The following SLC8A1 variants were observed in gnomAD, a reference collection of about 807,000 sequenced individuals.
SLC8A1 encodes the protein solute carrier family 8 member A1.
Under a neutral mutation model 68.3 loss-of-function variants are expected in SLC8A1, and 18 were observed. The ratio of observed to expected loss-of-function variants is 0.26; its 90% CI spans 0.18 to 0.39. The LOEUF (loss-of-function observed/expected upper bound fraction) is 0.39. SLC8A1 is among the 10% of genes least tolerant of loss of function. The pLI is 1.00. For synonymous variants in SLC8A1, 475 were observed against 415.5 expected (o/e 1.14, Z -1.74); for missense variants, 985 against 1,156.7 (o/e 0.85, Z 2.15).
rs1054120614 is a variant in SLC8A1 at position 40,255,172 on chromosome 2, C to T, written c.1809-77317G>A. On this transcript the variant is annotated intron_variant, in intron 2 of 7. Coordinates refer to ENST00000406785, the Ensembl canonical transcript of SLC8A1. ...CAAATGTGAGAGCATGTTAACATGA[C>T]AAACAACAAGGAATTTGAAATAAAC... 3 of 152,068 alleles carry T rather than the reference C, an allele frequency of 2.0e-5. No individual in the cohort carries two copies. In the East Asian group the frequency reaches 5.8e-4, roughly 29 times the overall value. The allele number at this position is 152,068 out of a possible 1,614,324, so 9.4% of individuals were successfully genotyped here.
intron 2 of SLC8A1, among the ~76,000 whole-genome samples, chr2:40,246,196 C>CT (rs1162391490): frequency 6.6e-6 from 1 of 152,162 alleles, no homozygotes; most frequent in East Asian, 1.9e-4. Context: ...AGTTGCACAT[C>CT]TTGGATATGG....
chr2:40,251,570 A>T (rs2149030088), intron 2 of SLC8A1: 1 of 152,314 alleles, frequency 6.6e-6, no homozygotes, highest in East Asian at 1.9e-4. Flanking sequence ...GCATTGTCTC[A>T]TGATTATTTT....
chr2:40,303,899 C>T (rs968762753), intron 2 of SLC8A1, among the ~76,000 whole-genome samples: 3 of 152,170 alleles, frequency 2.0e-5, no homozygotes, highest in Non-Finnish European at 2.9e-5. Flanking sequence ...TTTCCTCTAA[C>T]CACCACAGTC....
At chr2:40,482,449 G>C (rs916974856) in intron 1 of SLC8A1, among the ~76,000 whole-genome samples, 8 of 152,112 alleles carry the variant, frequency 5.3e-5, no homozygotes, top group Non-Finnish European at 1.0e-4. Context: ...TGTACTGCTA[G>C]GGCTTCTCTG....
chr2:40,141,145 G>A (rs916345665), intron 6 of SLC8A1, among the ~76,000 whole-genome samples: 1 of 152,124 alleles, frequency 6.6e-6, no homozygotes, highest in Non-Finnish European at 1.5e-5. Context: ...TAGTGCAGCC[G>A]GCAGTAGGTG....
At chr2:40,196,226 C>T (rs1276310331) in intron 2 of SLC8A1, among the ~76,000 whole-genome samples, 3 of 151,804 alleles carry the variant, frequency 2.0e-5, no homozygotes, top group Non-Finnish European at 2.9e-5. Context: ...GGTGGTGGTA[C>T]GCTCAAAGAG....
chr2:40,379,726 G>C (rs1390147359), intron 2 of SLC8A1, among the ~76,000 whole-genome samples: 1 of 151,714 alleles, frequency 6.6e-6, no homozygotes, highest in African/African-American at 2.4e-5. Flanking sequence ...TGTCAGCACT[G>C]GTGCTCTAAG....
chr2:40,445,443 A>G (rs371114527), intron 1 of SLC8A1, among the ~76,000 whole-genome samples: 76 of 152,254 alleles, frequency 5.0e-4, no homozygotes, highest in African/African-American at 1.7e-3. Context: ...CTTTCTACAC[A>G]GGGAAAGAAA....
At chr2:40,097,461 A>G (rs1290529785) in exon 8 of SLC8A1, 1 of 151,894 alleles carries the variant, frequency 6.6e-6, no homozygotes, top group East Asian at 1.9e-4. Flanking sequence ...TGATATTAAC[A>G]TACCATCAAT....
intron 7 of SLC8A1, among the ~76,000 whole-genome samples, chr2:40,126,577 A>G (rs1022219986): frequency 7.2e-5 from 11 of 152,068 alleles, no homozygotes; most frequent in African/African-American, 2.2e-4. Context: ...AAAGAAAATA[A>G]CTTTTCAGTT....
At chr2:40,238,045 C>T (rs1353563255) in intron 2 of SLC8A1, among the ~76,000 whole-genome samples, 1 of 152,212 alleles carries the variant, frequency 6.6e-6, no homozygotes, top group Non-Finnish European at 1.5e-5. Flanking sequence ...GCAAAAGTTA[C>T]TGCTGTCTTT....
intron 1 of SLC8A1, chr2:40,512,236 T>C (rs1226775605): frequency 6.6e-6 from 1 of 152,302 alleles, no homozygotes; most frequent in Non-Finnish European, 1.5e-5. Flanking sequence ...TTTGTTTGTT[T>C]TTCTTTTCAA....
intron 2 of SLC8A1, among the ~76,000 whole-genome samples, chr2:40,371,337 A>C (rs1302475090): frequency 6.6e-6 from 1 of 152,090 alleles, no homozygotes; most frequent in Non-Finnish European, 1.5e-5. Context: ...AATAGGGTGG[A>C]CTTTAGGTAA....
chr2:40,374,830 C>T (rs923380741), intron 2 of SLC8A1, among the ~76,000 whole-genome samples: 6 of 152,008 alleles, frequency 3.9e-5, no homozygotes, highest in Non-Finnish European at 8.8e-5. Flanking sequence ...CCAAAGATGA[C>T]ATATGTTTAA....
intron 2 of SLC8A1, among the ~76,000 whole-genome samples, chr2:40,323,464 T>A (rs974908177): frequency 6.6e-6 from 1 of 152,180 alleles, no homozygotes; most frequent in African/African-American, 2.4e-5. Flanking sequence ...ATTAATCTAT[T>A]CAACATAAAA....
intron 2 of SLC8A1, among the ~76,000 whole-genome samples, chr2:40,288,346 G>A (rs2068667663): frequency 6.6e-6 from 1 of 152,114 alleles, no homozygotes; most frequent in African/African-American, 2.4e-5. Context: ...TTTTACAATA[G>A]GCTTCAGAGG....
At chr2:40,347,292 A>C (rs746292369) in intron 2 of SLC8A1, among the ~76,000 whole-genome samples, 1 of 152,218 alleles carries the variant, frequency 6.6e-6, no homozygotes, top group Non-Finnish European at 1.5e-5. Flanking sequence ...TGAAACACCA[A>C]CCTGGGCCCC....
At chr2:40,238,149 G>A (rs1272078538) in intron 2 of SLC8A1, among the ~76,000 whole-genome samples, 8 of 152,298 alleles carry the variant, frequency 5.3e-5, no homozygotes, top group African/African-American at 1.2e-4. Context: ...CGAGCTTCCC[G>A]GCTGCTTTGT....
At chr2:40,470,738 T>C (rs1041357266) in intron 1 of SLC8A1, among the ~76,000 whole-genome samples, 3 of 152,028 alleles carry the variant, frequency 2.0e-5, no homozygotes, top group African/African-American at 7.2e-5. Context: ...TTGAATAATC[T>C]TTTCTTTCTA....
Sources: allele counts gnomAD v4.1 joint callset (sites outside exome capture counted in the v4.1 genomes callset), GRCh38; gene constraint gnomAD v4.1.1; transcripts MANE v1.5; gene names NCBI Gene and HGNC (gene_info 2026-07-23, HGNC 2026-07-21).